The following SOS1 variants were observed in gnomAD, a reference collection of about 807,000 sequenced individuals.
SOS1 encodes son of sevenless homolog 1.
SOS1 carries 25 observed loss-of-function variants against 157.6 expected under a neutral mutation model. The ratio of observed to expected loss-of-function variants is 0.16; its 90% CI spans 0.12 to 0.22. The LOEUF (loss-of-function observed/expected upper bound fraction) is 0.22, where lower values mean the gene tolerates loss of function less well. Ranked by LOEUF, SOS1 falls within the 10% of genes least tolerant of loss-of-function variation. The pLI is 1.00. For missense variants in SOS1, 1,237 were observed against 1,599.1 expected (o/e 0.77, Z 3.86); for synonymous variants, 528 against 534.0 (o/e 0.99, Z 0.16).
chr2:39,074,178 C>T (rs1353228802), intron 1 of SOS1, among the ~76,000 whole-genome samples: 1 of 151,824 alleles, frequency 6.6e-6, no homozygotes, highest in African/African-American at 2.4e-5. Flanking sequence ...AGTGAAACCC[C>T]GTGTGTACTA....
chr2:39,123,926 T>G (rs1673984005), upstream of SOS1, among the ~76,000 whole-genome samples: 1 of 152,196 alleles, frequency 6.6e-6, no homozygotes, highest in Admixed American at 6.5e-5. Flanking sequence ...ATCTCTGATT[T>G]GACTGCAGAG....
At chr2:39,110,381 T>C (rs562590974) in intron 1 of SOS1, among the ~76,000 whole-genome samples, 6 of 152,316 alleles carry the variant, frequency 3.9e-5, no homozygotes, top group Non-Finnish European at 7.4e-5. Context: ...TGATCCACAG[T>C]TGTTTGAATG....
intron 1 of SOS1, among the ~76,000 whole-genome samples, chr2:39,102,922 T>C (rs1204834882): frequency 6.6e-6 from 1 of 151,938 alleles, no homozygotes; most frequent in African/African-American, 2.4e-5. Flanking sequence ...GCCACTGCAC[T>C]CCAGTCTGGG....
At chr2:39,097,202 C>A (rs1672801212) in intron 1 of SOS1, among the ~76,000 whole-genome samples, 1 of 152,188 alleles carries the variant, frequency 6.6e-6, no homozygotes, top group African/African-American at 2.4e-5. Context: ...ACAATTTAGG[C>A]ACCAACCATG....
chr2:39,015,183 C>T (rs559326718), intron 10 of SOS1, among the ~76,000 whole-genome samples: 39 of 151,938 alleles, frequency 2.6e-4, no homozygotes, highest in African/African-American at 9.2e-4. Flanking sequence ...AAAGTATCAC[C>T]AGTTGGTTTA....
chr2:39,083,320 G>T (rs1350130242), intron 1 of SOS1, among the ~76,000 whole-genome samples: 1 of 152,086 alleles, frequency 6.6e-6, no homozygotes, highest in Non-Finnish European at 1.5e-5. Flanking sequence ...CAAGCAGCAA[G>T]CAGATGAAGA....
At chr2:39,001,342 C>G (rs1226819603) in intron 17 of SOS1, among the ~76,000 whole-genome samples, 1 of 152,184 alleles carries the variant, frequency 6.6e-6, no homozygotes, top group African/African-American at 2.4e-5. Context: ...GGATTACAGG[C>G]TTGAGCCACT....
chr2:39,074,853 G>C (rs1671912791), intron 1 of SOS1, among the ~76,000 whole-genome samples: 1 of 143,154 alleles, frequency 7.0e-6, no homozygotes, highest in Admixed American at 7.1e-5. Flanking sequence ...GGCAACAAGA[G>C]CAAAAGTCTG....
chr2:39,007,909 G>A (rs1347290961), intron 15 of SOS1, among the ~76,000 whole-genome samples: 1 of 152,060 alleles, frequency 6.6e-6, no homozygotes, highest in African/African-American at 2.4e-5. Flanking sequence ...CATCTATTCA[G>A]GAAAATCTAC....
chr2:39,001,973 C>T (rs1233847996), intron 17 of SOS1, among the ~76,000 whole-genome samples: 1 of 152,172 alleles, frequency 6.6e-6, no homozygotes, highest in African/African-American at 2.4e-5. Context: ...CTTAAAACAC[C>T]TTATGAAATC....
In SOS1 at chr2:39,096,702, G is replaced by A. The variant is rs112576395; in HGVS notation, c.87+23634C>T. Among the ~76,000 whole-genome samples the A allele has an allele frequency of 5.6e-3, 856 of 152,176 alleles. 12 individuals are homozygous for A. The highest frequency in any genetic ancestry group is 0.019 in the African/African-American group (805 of 41,514). ...AGATCGAGACCATCTTGGCTAACAT[G>A]GTGAAACCCCGTCTCTACTAAAAAT... On this transcript the variant is annotated intron_variant, in intron 1 of 22. Coordinates refer to ENST00000402219, the MANE Select transcript of SOS1 (RefSeq NM_005633.4).
chr2:39,016,241 A>AAGTT (rs1259733547), intron 10 of SOS1, among the ~76,000 whole-genome samples: 1 of 152,138 alleles, frequency 6.6e-6, no homozygotes, highest in African/African-American at 2.4e-5. Flanking sequence ...ATACTATTTT[A>AAGTT]AGTTAAAGAT....
Position 39,012,292 on chromosome 2 carries a change from T to C in SOS1, c.2224A>G (p.Ile742Val). 1 of 1,612,868 alleles carries C rather than the reference T, an allele frequency of 6.2e-7. No homozygotes were observed. The highest frequency in any genetic ancestry group is 8.5e-7 in the Non-Finnish European group (1 of 1,179,028). ...TGACCTGGTCCATTGTCTCTTGCAA[T>C]TTTTTTCCTTTGGATTATTTTAGTG... ...SITKIIQRKK[I>V]ARDNGPGHNI... The change falls in exon 14 of 23, where the codon ATT becomes GTT. Residue 742 changes from isoleucine to valine, a missense_variant. Ile to Val is a conservative substitution (Grantham distance 29). This residue lies in a region of SOS1 where 39 missense variants were observed against 40.5 expected (regional missense o/e 0.96). Coordinates refer to ENST00000402219, the MANE Select transcript of SOS1 (RefSeq NM_005633.4).
At chr2:39,048,215 T>C (rs533850743) in intron 6 of SOS1, among the ~76,000 whole-genome samples, 31 of 152,316 alleles carry the variant, frequency 2.0e-4, no homozygotes, top group African/African-American at 6.3e-4. Flanking sequence ...TTCTACAAAC[T>C]TGATTATTTT....
At chr2:39,085,281 C>G (rs1672333517) in intron 1 of SOS1, among the ~76,000 whole-genome samples, 1 of 152,212 alleles carries the variant, frequency 6.6e-6, no homozygotes, top group African/African-American at 2.4e-5. Context: ...CTCCTGGGCT[C>G]AAGCGATCCT....
chr2:39,011,618 C>G (rs1669476671), intron 14 of SOS1, among the ~76,000 whole-genome samples: 2 of 152,210 alleles, frequency 1.3e-5, no homozygotes, highest in South Asian at 4.1e-4. Flanking sequence ...CATTTAAAAT[C>G]AGAAGGACAT....
upstream of SOS1, among the ~76,000 whole-genome samples, chr2:39,123,166 G>A (rs371697013): frequency 4.6e-5 from 7 of 152,022 alleles, no homozygotes; most frequent in Non-Finnish European, 1.0e-4. Context: ...TCCCTTGGCT[G>A]GTTATAAACA....
chr2:39,062,300 C>A (rs1227407833), intron 2 of SOS1, among the ~76,000 whole-genome samples: 1 of 151,556 alleles, frequency 6.6e-6, no homozygotes, highest in African/African-American at 2.4e-5. Flanking sequence ...CGCTTGTAGT[C>A]CCAGCTACTC....
chr2:39,110,027 TGTGTGTGTGTGC>T (rs1483051759), intron 1 of SOS1, among the ~76,000 whole-genome samples: 146 of 130,028 alleles, frequency 1.1e-3, no homozygotes, highest in African/African-American at 4.2e-3. Flanking sequence ...CAGATACAGT[TGTGTGTGTGTGC>T]GTGTGTGTGT....
Sources: gnomAD v4.1 joint callset for allele counts (sites outside exome capture counted in the v4.1 genomes callset) on GRCh38, gnomAD v4.1.1 for gene constraint, gnomAD v4.1.1 regional missense constraint, MANE v1.5 for transcripts, NCBI Gene and HGNC (gene_info 2026-07-23, HGNC 2026-07-21) for gene names.